The following SAMSN1 variants were observed in gnomAD, a reference collection of about 807,000 sequenced individuals.
The protein encoded by SAMSN1 is SAM domain, SH3 domain and nuclear localization signals 1, also known as SAM domain-containing protein SAMSN-1.
SAMSN1 carries 31 observed loss-of-function variants against 42.0 expected under a neutral mutation model. The observed-to-expected ratio is 0.74, with a 90% CI of 0.55 to 1.00. The LOEUF (loss-of-function observed/expected upper bound fraction) is 1.00, where lower values mean the gene tolerates loss of function less well. Among genes scored for constraint, SAMSN1 ranks in the 50% least tolerant of loss-of-function variants. The probability of loss-of-function intolerance (pLI) is 0.00; values close to 1 mark genes in which losing one functional copy is unlikely to be tolerated. For synonymous variants in SAMSN1, 178 were observed against 151.9 expected (o/e 1.17, Z -1.26); for missense variants, 464 against 439.4 (o/e 1.06, Z -0.50).
chr21:14,517,160 C>T (rs770497595), intron 2 of SAMSN1, 119 bp from the exon 3 acceptor site: 1 of 878,678 alleles, frequency 1.1e-6, no homozygotes, highest in Non-Finnish European at 1.7e-6. Flanking sequence ...TGTGCAGCAG[C>T]CTCCAAAATT....
chr21:14,602,244 A>G (rs897267210), intron 5 of SAMSN1: 3 of 343,546 alleles, frequency 8.7e-6, no homozygotes, highest in Admixed American at 4.7e-5. Flanking sequence ...TGTTAAATAT[A>G]TGCTATTTTT....
At chr21:14,625,652 T>C (rs1014559590) in intron 2 of SAMSN1, among the ~76,000 whole-genome samples, 2 of 152,156 alleles carry the variant, frequency 1.3e-5, no homozygotes, top group Non-Finnish European at 2.9e-5. Context: ...TGGAAGATAA[T>C]TCCATGCTCA....
chr21:14,514,263 G>T (rs1987811264), intron 3 of SAMSN1, among the ~76,000 whole-genome samples: 1 of 152,090 alleles, frequency 6.6e-6, no homozygotes, highest in Non-Finnish European at 1.5e-5. Flanking sequence ...GCAGTCTAAA[G>T]GCTTTCTCTT....
intron 4 of SAMSN1, among the ~76,000 whole-genome samples, 193 bp from the exon 5 acceptor site, chr21:14,510,654 AC>A (rs1177294657): frequency 2.0e-5 from 3 of 149,064 alleles, no homozygotes; most frequent in Admixed American, 6.6e-5. Flanking sequence ...GCCATTTCGA[AC>A]CTTTTTCCTG....
intron 2 of SAMSN1, among the ~76,000 whole-genome samples, chr21:14,570,080 G>T (rs1223492424): frequency 6.6e-6 from 1 of 151,918 alleles, no homozygotes; most frequent in Non-Finnish European, 1.5e-5. Context: ...TGTGGTGGTT[G>T]ACTATCACAT....
chr21:14,600,119 C>CTGAT lies in SAMSN1; in HGVS notation c.399+1900_399+1903dup, dbSNP rs534830038. Among the ~76,000 whole-genome samples the CTGAT allele has an allele frequency of 8.5e-5, 13 of 152,224 alleles. No individual in the cohort carries two copies. The South Asian group carries it at 2.7e-3, about 32-fold the overall frequency. ...CAGATACACTTGGAAAAACACTTAT[C>CTGAT]TGATAGTCATTTGTTCACTGATGGA... On this transcript the variant is annotated intron_variant, in intron 6 of 15. Coordinates refer to the SAMSN1 transcript ENST00000647101.
intron 6 of SAMSN1, 23 bp downstream of exon 6, chr21:14,500,506 A>G: frequency 6.2e-7 from 1 of 1,606,940 alleles, no homozygotes; most frequent in Non-Finnish European, 8.5e-7. Context: ...TTCCAAAAGC[A>G]AACAGAACAC....
At chr21:14,506,403 C>T (rs942769613) in intron 5 of SAMSN1, among the ~76,000 whole-genome samples, 1 of 152,022 alleles carries the variant, frequency 6.6e-6, no homozygotes, top group African/African-American at 2.4e-5. Flanking sequence ...TCATTCAAGG[C>T]CACTACGAAC....
intron 7 of SAMSN1, among the ~76,000 whole-genome samples, chr21:14,590,280 T>A (rs2123269337): frequency 6.6e-6 from 1 of 152,142 alleles, no homozygotes; most frequent in African/African-American, 2.4e-5. Context: ...TTTTTTCTTT[T>A]AAGACACAGG....
intron 2 of SAMSN1, among the ~76,000 whole-genome samples, chr21:14,639,068 C>T (rs1983533951): frequency 6.6e-6 from 1 of 152,134 alleles, no homozygotes; most frequent in South Asian, 2.1e-4. Context: ...TTAAAAGGCT[C>T]AAGTTTTCTA....
At chr21:14,547,169 C>T (rs1292476310), upstream of SAMSN1, among the ~76,000 whole-genome samples, 2 of 152,144 alleles carry the variant, frequency 1.3e-5, no homozygotes, top group Non-Finnish European at 2.9e-5. Flanking sequence ...AAATGTTTAT[C>T]ATATGTTACT....
intron 1 of SAMSN1, among the ~76,000 whole-genome samples, chr21:14,537,776 C>G (rs1205439055): frequency 6.6e-6 from 1 of 152,100 alleles, no homozygotes; most frequent in Non-Finnish European, 1.5e-5. Flanking sequence ...CCTAGAGCAT[C>G]ATTTCCAAAT....
rs547655619 is a variant in SAMSN1 at position 14,510,627 on chromosome 21, T to C, written c.410-166A>G. Among the ~76,000 whole-genome samples, 23 of 152,280 alleles carry C rather than the reference T, an allele frequency of 1.5e-4. No homozygotes were observed. The South Asian group carries it at 4.8e-3, about 32-fold the overall frequency. ...CTGTCTTCCAGTTACTCTCCATCAG[T>C]GACGTCTGTCCTCTGAGCCATTTCG... On this transcript the variant is annotated intron_variant, in intron 4 of 7. Coordinates refer to ENST00000400566, the MANE Select transcript of SAMSN1 (RefSeq NM_022136.5).
At chr21:14,564,106 A>C (rs1981031416) in intron 2 of SAMSN1, among the ~76,000 whole-genome samples, 1 of 152,154 alleles carries the variant, frequency 6.6e-6, no homozygotes, top group African/African-American at 2.4e-5. Flanking sequence ...TGCTTACACT[A>C]TCTGGATTTT....
At chr21:14,587,763 A>T (rs9977273), upstream of SAMSN1, among the ~76,000 whole-genome samples, 5,857 of 150,600 alleles carry the variant, frequency 0.039, 361 homozygotes, top group African/African-American at 0.13. Context: ...TTATTTATTT[A>T]TTTTTTAAAT....
intron 2 of SAMSN1, among the ~76,000 whole-genome samples, chr21:14,519,251 G>A (rs1988048592): frequency 6.6e-6 from 1 of 151,998 alleles, no homozygotes; most frequent in African/African-American, 2.4e-5. Flanking sequence ...GTTATTTTTT[G>A]AATGAGTGCT....
At chr21:14,533,076 C>T (rs1014792237) in intron 1 of SAMSN1, among the ~76,000 whole-genome samples, 1 of 152,008 alleles carries the variant, frequency 6.6e-6, no homozygotes, top group East Asian at 1.9e-4. Flanking sequence ...CCATGCTCAG[C>T]TAACTTTTAT....
intron 1 of SAMSN1, among the ~76,000 whole-genome samples, chr21:14,521,986 C>T (rs1978519102): frequency 6.6e-6 from 1 of 151,416 alleles, no homozygotes. Context: ...AAAAAGAAGG[C>T]ACACACACAG....
intron 1 of SAMSN1, chr21:14,583,297 A>T (rs1458636690): frequency 1.2e-5 from 2 of 170,088 alleles, no homozygotes; most frequent in African/African-American, 4.8e-5. Flanking sequence ...AATGAAAATC[A>T]AAGTTGCATG....
Sources: gnomAD v4.1 joint callset for allele counts (sites outside exome capture counted in the v4.1 genomes callset) on GRCh38, gnomAD v4.1.1 for gene constraint, MANE v1.5 for transcripts, NCBI Gene and HGNC (gene_info 2026-07-23, HGNC 2026-07-21) for gene names.